PARVA: variants seen among roughly 807,000 people sequenced by gnomAD.
PARVA encodes the protein parvin alpha, also known as alpha-parvin.
Under a neutral mutation model 52.6 loss-of-function variants are expected in PARVA, and 25 were observed. That is an observed-to-expected ratio of 0.48 (90% confidence interval 0.35 to 0.66). PARVA has a LOEUF of 0.66. PARVA is among the 30% of genes least tolerant of loss of function. The pLI, the probability that PARVA is intolerant of heterozygous loss-of-function variation, is 0.01. For missense variants in PARVA, 373 were observed against 450.9 expected (o/e 0.83, Z 1.56); for synonymous variants, 185 against 179.1 (o/e 1.03, Z -0.26).
chr11:12,390,406 G>A (rs1225404145), intron 1 of PARVA, among the ~76,000 whole-genome samples: 1 of 152,166 alleles, frequency 6.6e-6, no homozygotes, highest in African/African-American at 2.4e-5. Context: ...ATGGCAGGGT[G>A]CAGAGATTCT....
At chr11:12,462,041 T>C (rs1441513178) in intron 1 of PARVA, among the ~76,000 whole-genome samples, 1 of 152,184 alleles carries the variant, frequency 6.6e-6, no homozygotes, top group African/African-American at 2.4e-5. Context: ...AAAACTTCTC[T>C]TGTTTAAGGG....
At chr11:12,411,794 T>A (rs550498620) in intron 1 of PARVA, among the ~76,000 whole-genome samples, 14 of 152,226 alleles carry the variant, frequency 9.2e-5, no homozygotes, top group African/African-American at 2.9e-4. Flanking sequence ...AAAAACATGG[T>A]TTGAAAAATC....
At position 12,528,223 on chromosome 11, in the gene PARVA, A is replaced by C; in HGVS notation, c.*298A>C. ...ATGATTTGGGAACCAGCTTAGGCAA[A>C]AGAGTCCCCACAAGATGAAAATAAA... On this transcript the variant is annotated 3_prime_UTR_variant, in exon 13 of 13. Transcript: ENST00000334956. The C allele has an allele frequency of 2.2e-6, 1 of 451,930 alleles. No individual in the cohort carries two copies. The highest frequency in any genetic ancestry group is 4.0e-6 in the Non-Finnish European group (1 of 248,918). The allele number at this position is 451,930 out of a possible 1,614,324, so 28.0% of individuals were successfully genotyped here.
chr11:12,385,947 A>T (rs184322182), intron 1 of PARVA, among the ~76,000 whole-genome samples: 1 of 152,280 alleles, frequency 6.6e-6, no homozygotes, highest in East Asian at 1.9e-4. Flanking sequence ...TCTTTTATGA[A>T]ATCCTGCTGA....
intron 1 of PARVA, among the ~76,000 whole-genome samples, chr11:12,427,878 A>G (rs76781514): frequency 0.01 from 1,526 of 152,338 alleles, 32 homozygotes; most frequent in African/African-American, 0.035. Context: ...CCCGATTTCT[A>G]GGTAACACAA....
At chr11:12,406,153 C>T (rs1196266704) in intron 1 of PARVA, among the ~76,000 whole-genome samples, 1 of 152,200 alleles carries the variant, frequency 6.6e-6, no homozygotes, top group Non-Finnish European at 1.5e-5. Flanking sequence ...AAGGAGTTGG[C>T]TCAGGTGATT....
chr11:12,507,210 G>A (rs570618263), intron 6 of PARVA, among the ~76,000 whole-genome samples: 10 of 152,266 alleles, frequency 6.6e-5, no homozygotes, highest in East Asian at 1.9e-4. Flanking sequence ...CAGGAGGCTC[G>A]AGAAGGCAGG....
intron 5 of PARVA, among the ~76,000 whole-genome samples, chr11:12,502,296 C>A (rs1464902871): frequency 6.6e-6 from 1 of 152,160 alleles, no homozygotes; most frequent in African/African-American, 2.4e-5. Flanking sequence ...CTGAATCATT[C>A]TCTTTTCTTA....
intron 1 of PARVA, among the ~76,000 whole-genome samples, chr11:12,397,621 A>G (rs1357724801): frequency 6.6e-6 from 1 of 152,194 alleles, no homozygotes; most frequent in Non-Finnish European, 1.5e-5. Context: ...AGAGGGTGGA[A>G]ACTAAAAGTT....
At chr11:12,408,698 A>G (rs142579952) in intron 1 of PARVA, among the ~76,000 whole-genome samples, 4 of 152,240 alleles carry the variant, frequency 2.6e-5, no homozygotes, top group Admixed American at 1.3e-4. Context: ...ACTAAGCCCT[A>G]TGTTAGGGGT....
chr11:12,449,644 A>G (rs750181857), intron 1 of PARVA, among the ~76,000 whole-genome samples: 16 of 152,160 alleles, frequency 1.1e-4, no homozygotes, highest in Admixed American at 4.6e-4. Context: ...GTAGTTCTCC[A>G]TGGGGGTGAC....
intron 1 of PARVA, among the ~76,000 whole-genome samples, chr11:12,409,645 T>A (rs556952065): frequency 1.8e-4 from 27 of 152,116 alleles, no homozygotes; most frequent in Non-Finnish European, 3.5e-4. Flanking sequence ...AAAATAGGGG[T>A]GGCTGCTAGA....
Position 12,527,851 on chromosome 11 carries a change from A to T in PARVA, c.1045A>T (p.Ile349Leu), listed in dbSNP as rs368738082. Reference protein sequence around the residue: ...LEKPKPRPEDIVNCDLKSTLR... With the variant: ...LEKPKPRPEDLVNCDLKSTLR... ...GGTGTTTTTTGTTTTCTACGCAGACATAGTCAACTGTGACCTGAAATCTAC... is the reference window on the plus strand; with the variant it reads ...GGTGTTTTTTGTTTTCTACGCAGACTTAGTCAACTGTGACCTGAAATCTAC... The change falls in exon 13 of 13, where the codon ATA (isoleucine) becomes TTA (leucine). Residue 349 changes from isoleucine (I) to leucine (L), a missense_variant and splice_region_variant. Physicochemically the swap from Ile to Leu is conservative, Grantham distance 5. Transcript: ENST00000334956. 1 of 1,612,416 alleles carries T rather than the reference A, an allele frequency of 6.2e-7. No homozygotes were observed.
At chr11:12,406,600 C>G (rs1939911247) in intron 1 of PARVA, among the ~76,000 whole-genome samples, 1 of 148,612 alleles carries the variant, frequency 6.7e-6, no homozygotes. Context: ...GACTTTTCAT[C>G]AAATGGCTTT....
chr11:12,514,197 C>G, intron 10 of PARVA, 132 bp downstream of exon 10: 3 of 666,540 alleles, frequency 4.5e-6, no homozygotes, highest in Non-Finnish European at 8.0e-6. Flanking sequence ...CTGTCCTACT[C>G]TGAGGGGTGG....
At chr11:12,386,022 G>A (rs548274777) in intron 1 of PARVA, among the ~76,000 whole-genome samples, 4 of 152,294 alleles carry the variant, frequency 2.6e-5, no homozygotes, top group Non-Finnish European at 5.9e-5. Flanking sequence ...GCTCTGGATT[G>A]TTCGTTCATT....
chr11:12,473,830 G>A lies in PARVA; in HGVS notation c.222G>A (p.Met74Ile), dbSNP rs1266529204. The A allele has an allele frequency of 6.4e-7, 1 of 1,569,092 alleles. No homozygotes were observed. ...TTGAGCTGGACCCCGAGGACACGATGCTGGGTAACTGTGCTCTTGTCTCTG... is the reference window on the plus strand; with the variant it reads ...TTGAGCTGGACCCCGAGGACACGATACTGGGTAACTGTGCTCTTGTCTCTG... ...IPFELDPEDT[M>I]LEENEVRTMV... Residue 74 changes from methionine to isoleucine, a missense_variant, in exon 2 of 13, where the codon ATG (methionine) becomes ATA (isoleucine). Coordinates refer to ENST00000334956, the MANE Select transcript of PARVA (RefSeq NM_018222.5).
In PARVA at chr11:12,531,626, T is replaced by C. The variant is rs1305428718; in HGVS notation, c.*3701T>C. ...TAAGTGGAGGCTGATCAAAACTAAT[T>C]TGAGATCCGCTGCCTTTAATAGAGC... On this transcript the variant is annotated 3_prime_UTR_variant, in exon 13 of 13. Transcript: ENST00000334956. Among the ~76,000 whole-genome samples, 2 of 151,802 alleles carry C rather than the reference T, an allele frequency of 1.3e-5. No homozygotes were observed. Among genetic ancestry groups the C allele is most frequent in the African/African-American group, 4.8e-5 (2 of 41,284 alleles).
chr11:12,407,237 C>G (rs1258632466), intron 1 of PARVA, among the ~76,000 whole-genome samples: 2 of 152,132 alleles, frequency 1.3e-5, no homozygotes, highest in Non-Finnish European at 2.9e-5. Context: ...ATATTAGCAT[C>G]TGGAAATATC....
Sources: gnomAD v4.1 joint callset for allele counts (sites outside exome capture counted in the v4.1 genomes callset) on GRCh38, gnomAD v4.1.1 for gene constraint, MANE v1.5 for transcripts, NCBI Gene and HGNC (gene_info 2026-07-23, HGNC 2026-07-21) for gene names.